Variants in VPS33A observed in about 807,000 individuals in gnomAD.
VPS33A encodes vacuolar protein sorting-associated protein 33A.
A neutral mutation model predicts 71.8 loss-of-function variants in VPS33A; 32 were observed. The observed-to-expected ratio is 0.45, with a 90% CI of 0.34 to 0.60. VPS33A has a LOEUF of 0.60. Ranked by LOEUF, VPS33A falls within the 20% of genes least tolerant of loss-of-function variation. The pLI is 0.02. For synonymous variants in VPS33A, 311 were observed against 292.7 expected, an observed-to-expected ratio of 1.06 and a Z score of -0.64; for missense variants, 625 against 748.5, an observed-to-expected ratio of 0.84 and a Z score of 1.92.
intron 4 of VPS33A, 86 bp from the exon 5 acceptor site, chr12:122,251,185 G>A (rs1954839523): frequency 1.1e-6 from 1 of 872,312 alleles, no homozygotes; most frequent in Non-Finnish European, 1.8e-6. Flanking sequence ...TGCAGCGACA[G>A]ACAATAAAAT....
chr12:122,245,735 A>G (rs1954768676), intron 6 of VPS33A, among the ~76,000 whole-genome samples: 1 of 152,210 alleles, frequency 6.6e-6, no homozygotes, highest in Non-Finnish European at 1.5e-5. Flanking sequence ...GTGAGCCACC[A>G]TGCCCAGCCC....
intron 6 of VPS33A, chr12:122,249,294 C>T (rs1253942310): frequency 2.0e-5 from 3 of 152,126 alleles, no homozygotes; most frequent in African/African-American, 7.2e-5. Context: ...GCTCTCTCGG[C>T]TCACTGCAAC....
chr12:122,238,770 TACACACAC>T (rs57522920), intron 9 of VPS33A, 46 bp from the exon 10 acceptor site: 19,076 of 861,038 alleles, frequency 0.022, 13 homozygotes, highest in East Asian at 0.073. Context: ...TACATATACA[TACACACAC>T]ACACACACAC....
intron 3 of VPS33A, 21 bp from the exon 4 acceptor site, chr12:122,261,468 G>A (rs2136151447): frequency 6.2e-7 from 1 of 1,611,610 alleles, no homozygotes; most frequent in East Asian, 2.2e-5. Context: ...AGCAACATTT[G>A]TTAGCTTATG....
intron 6 of VPS33A, among the ~76,000 whole-genome samples, chr12:122,246,833 C>T (rs1255035991): frequency 6.6e-6 from 1 of 152,118 alleles, no homozygotes; most frequent in Non-Finnish European, 1.5e-5. Context: ...AACTCCTGAC[C>T]TCAGGTGATT....
At chr12:122,241,909 TTTTTG>T (rs1325432242) in intron 8 of VPS33A, among the ~76,000 whole-genome samples, 4 of 143,232 alleles carry the variant, frequency 2.8e-5, no homozygotes, top group African/African-American at 1.1e-4. Context: ...TGGAACATTC[TTTTTG>T]TTTTGTTTTT....
chr12:122,242,833 C>T (rs1954733213), intron 7 of VPS33A, among the ~76,000 whole-genome samples: 2 of 152,086 alleles, frequency 1.3e-5, no homozygotes, highest in Non-Finnish European at 1.5e-5. Flanking sequence ...GGATTACAGG[C>T]GTGAGCCACC....
chr12:122,254,244 G>A (rs1461153024), intron 4 of VPS33A, among the ~76,000 whole-genome samples: 1 of 152,142 alleles, frequency 6.6e-6, no homozygotes, highest in Non-Finnish European at 1.5e-5. Flanking sequence ...TGTACCTCCT[G>A]AAGCCAATCA....
chr12:122,242,358 A>T (rs1319166370), intron 8 of VPS33A, 24 bp downstream of exon 8: 5 of 1,603,286 alleles, frequency 3.1e-6, no homozygotes, highest in Non-Finnish European at 4.3e-6. Flanking sequence ...CCAGACTGAA[A>T]CAATCATTAC....
At chr12:122,258,845 G>C (rs1954952042) in intron 4 of VPS33A, among the ~76,000 whole-genome samples, 1 of 151,894 alleles carries the variant, frequency 6.6e-6, no homozygotes. Flanking sequence ...GCCAGGCGTG[G>C]TGGTGCATGC....
chr12:122,258,782 A>T (rs1954951220), intron 4 of VPS33A, among the ~76,000 whole-genome samples: 1 of 151,962 alleles, frequency 6.6e-6, no homozygotes, highest in Non-Finnish European at 1.5e-5. Context: ...GGAGTTCAAG[A>T]CCAGCCTGAC....
In VPS33A at chr12:122,231,858, A is replaced by C. The variant is rs987673580; in HGVS notation, c.*388T>G. The C allele has an allele frequency of 3.0e-6, 1 of 336,436 alleles. No individual in the cohort carries two copies. The highest frequency in any genetic ancestry group is 2.1e-5 in the African/African-American group (1 of 47,274). The allele number at this position is 336,436 out of a possible 1,614,324, so 20.8% of individuals were successfully genotyped here. ...GATCACCTGAGGTCAGGAGTTTGAG[A>C]CCAGCCTGGCCAACATGGTGAAACA... On this transcript the variant is annotated 3_prime_UTR_variant, in exon 13 of 13. Coordinates refer to ENST00000267199, the MANE Select transcript of VPS33A (RefSeq NM_022916.6).
intron 9 of VPS33A, 52 bp from the exon 10 acceptor site, chr12:122,238,776 C>G (rs201530278): frequency 3.6e-6 from 2 of 548,438 alleles, no homozygotes; most frequent in South Asian, 3.2e-5. Context: ...TACATACACA[C>G]ACACACACAC....
rs138109607 is a variant in VPS33A, at chr12:122,262,586, T to C, written c.296+986A>G. ...CACTTCCTCTATAGACTGGATGCTATATTAAAATTTAATCAGCTTTTTTTT... is the reference window on the plus strand; with the variant it reads ...CACTTCCTCTATAGACTGGATGCTACATTAAAATTTAATCAGCTTTTTTTT... On this transcript the variant is annotated intron_variant, in intron 3 of 12. Transcript: ENST00000267199. 8.1e-3 allele frequency among the ~76,000 whole-genome samples: 1,181 copies of C among 146,362 alleles called. 14 individuals are homozygous for C. Among genetic ancestry groups the C allele is most frequent in the African/African-American group, 0.029 (1,110 of 38,012 alleles).
intron 4 of VPS33A, among the ~76,000 whole-genome samples, chr12:122,260,760 C>A (rs1050412226): frequency 2.0e-5 from 3 of 151,892 alleles, no homozygotes; most frequent in African/African-American, 7.2e-5. Context: ...CGGAGGCGGG[C>A]GGATCATGAA....
At chr12:122,257,534 G>T (rs535738288) in intron 4 of VPS33A, among the ~76,000 whole-genome samples, 1 of 151,726 alleles carries the variant, frequency 6.6e-6, no homozygotes, top group Non-Finnish European at 1.5e-5. Context: ...TTAGCTGGGC[G>T]TGGTGGTGTG....
chr12:122,251,517 C>T (rs1205815556), intron 4 of VPS33A, among the ~76,000 whole-genome samples: 1 of 152,226 alleles, frequency 6.6e-6, no homozygotes, highest in African/African-American at 2.4e-5. Context: ...CAAAAGACCA[C>T]AGGACGAATA....
intron 4 of VPS33A, among the ~76,000 whole-genome samples, chr12:122,259,183 ATGTG>A (rs763092081): frequency 4.9e-5 from 5 of 103,022 alleles, no homozygotes; most frequent in South Asian, 3.6e-4. Context: ...GTGTGTATGT[ATGTG>A]TGTATGTATG....
At chr12:122,243,834 T>C (rs1309681087) in intron 7 of VPS33A, among the ~76,000 whole-genome samples, 3 of 152,072 alleles carry the variant, frequency 2.0e-5, no homozygotes, top group East Asian at 1.9e-4. Flanking sequence ...GGTGGGAGGA[T>C]TGCTTGAGCC....
Sources: gnomAD v4.1 joint callset for allele counts (sites outside exome capture counted in the v4.1 genomes callset) on GRCh38, gnomAD v4.1.1 for gene constraint, MANE v1.5 for transcripts, NCBI Gene and HGNC (gene_info 2026-07-23, HGNC 2026-07-21) for gene names.